DPP4: variants seen among roughly 807,000 people sequenced by gnomAD.
DPP4 encodes ADCP-2.
A neutral mutation model predicts 122.4 loss-of-function variants in DPP4; 93 were observed. The ratio of observed to expected loss-of-function variants is 0.76; its 90% confidence interval spans 0.64 to 0.90. The LOEUF is 0.90. Ranked by LOEUF, DPP4 falls within the 40% of genes least tolerant of loss-of-function variation. DPP4 has a pLI of 0.00. For synonymous variants in DPP4, 321 were observed against 302.9 expected (o/e 1.06, Z -0.62); for missense variants, 914 against 907.3 (o/e 1.01, Z -0.09).
At chr2:161,999,727 G>A (rs1701096873) in intron 23 of DPP4, among the ~76,000 whole-genome samples, 3 of 152,132 alleles carry the variant, frequency 2.0e-5, no homozygotes, top group Admixed American at 2.0e-4. Context: ...GAGGAGGAGA[G>A]TACTATGAGA....
intron 25 of DPP4, among the ~76,000 whole-genome samples, chr2:161,994,485 T>G (rs1166475708): frequency 6.6e-6 from 1 of 152,252 alleles, no homozygotes; most frequent in African/African-American, 2.4e-5. Flanking sequence ...CGCCTGTGGT[T>G]ATTCAACAAA....
At chr2:162,035,497 C>T (rs948113402) in intron 8 of DPP4, among the ~76,000 whole-genome samples, 173 bp from the exon 9 acceptor site, 3 of 152,138 alleles carry the variant, frequency 2.0e-5, no homozygotes, top group Non-Finnish European at 2.9e-5. Context: ...AAAATAAAAT[C>T]TTCAAGGATA....
In DPP4 at chr2:162,008,675, A is replaced by G; in HGVS notation, c.1888-14T>C. On this transcript the variant is annotated splice_polypyrimidine_tract_variant and intron_variant, in intron 21 of 25. Coordinates refer to ENST00000360534, the MANE Select transcript of DPP4 (RefSeq NM_001935.4). ...CCCTCCATATGACTAAGGAATGGAA[A>G]CAGTTATTTTTATGGAGGTAAAAGA... 1.2e-6 allele frequency: 2 copies of G among 1,606,842 alleles called. No homozygotes were observed. The highest frequency in any genetic ancestry group is 1.7e-6 in the Non-Finnish European group (2 of 1,173,536).
chr2:162,045,618 A>G lies in DPP4; in HGVS notation c.286-6T>C. On this transcript the variant is annotated splice_polypyrimidine_tract_variant and splice_region_variant and intron_variant, in intron 4 of 25. Transcript: ENST00000360534. ...ATAGAATGTCCAAACTCATCCTGTC[A>G]AACAAGAAGAACAAAGAAAAATTGA... 2 of 1,605,664 alleles carry G rather than the reference A, an allele frequency of 1.2e-6. No homozygotes were observed. The highest frequency in any genetic ancestry group is 1.1e-5 in the South Asian group (1 of 90,820).
rs1683870867 is a variant in DPP4 at position 162,038,560 on chromosome 2, C to T, written c.493-138G>A. The T allele has an allele frequency of 5.4e-5, 48 of 894,866 alleles. 1 individual carries two copies. The South Asian group carries it at 8.1e-4, about 15-fold the overall frequency. 55.4% of individuals were successfully genotyped at this position (894,866 alleles called of 1,614,324 possible). ...CCATTCAAACAGGAAGAGTCATTTACTCCTTCCCTCTCATTCTTAAATTAC... is the reference window on the plus strand; with the variant it reads ...CCATTCAAACAGGAAGAGTCATTTATTCCTTCCCTCTCATTCTTAAATTAC... On this transcript the variant is annotated intron_variant, in intron 7 of 25. Transcript: ENST00000360534.
intron 18 of DPP4, among the ~76,000 whole-genome samples, chr2:162,015,738 G>T (rs1347006421): frequency 6.6e-6 from 1 of 152,018 alleles, no homozygotes; most frequent in African/African-American, 2.4e-5. Flanking sequence ...TACTAATGTG[G>T]CTTCCGTGAC....
rs1042623177 is a variant in DPP4, at chr2:162,073,724, C to T, written c.7-238G>A. On this transcript the variant is annotated intron_variant, in intron 1 of 25. Transcript: ENST00000360534. ...TAGCGTTGGTTTCTCTACCCCTGCC[C>T]GGGTTCGGGCGTGCGTTCTGTGAGT... 3 of 673,142 alleles carry T rather than the reference C, an allele frequency of 4.5e-6. No homozygotes were observed. In the African/African-American group the frequency reaches 5.4e-5, roughly 12 times the overall value. The allele number at this position is 673,142 out of a possible 1,614,324, so 41.7% of individuals were successfully genotyped here.
At chr2:162,019,183 G>C (rs202134905) in intron 15 of DPP4, 40 bp downstream of exon 15, 1 of 1,543,912 alleles carries the variant, frequency 6.5e-7, no homozygotes, top group African/African-American at 1.4e-5. Context: ...TTGTTCGTCA[G>C]CTAAAATGAC....
chr2:161,995,119 A>C, intron 24 of DPP4, 85 bp from the exon 25 acceptor site: 1 of 1,484,260 alleles, frequency 6.7e-7, no homozygotes, highest in Non-Finnish European at 9.4e-7. Context: ...ACAAGAAGAA[A>C]GGGACTGTTT....
In DPP4 at chr2:162,031,977, T is replaced by C. The variant is rs192520775; in HGVS notation, c.887+1564A>G. The C allele has an allele frequency of 2.0e-3, 307 of 152,214 alleles. 1 individual carries two copies. Among genetic ancestry groups the C allele is most frequent in the African/African-American group, 7.2e-3 (298 of 41,528 alleles). The allele number at this position is 152,214 out of a possible 1,614,324, so 9.4% of individuals were successfully genotyped here. A position where few individuals can be genotyped will look rare whatever the true frequency, so the allele number is the denominator to read the frequency against. On this transcript the variant is annotated intron_variant, in intron 10 of 25. Transcript: ENST00000360534. ...TTTTTAAAAACTTACTAATCGATTT[T>C]CCCCCTGAATGAATGGGTTACTACA...
In DPP4 at chr2:162,047,520, C is replaced by T. The variant is rs769873570; in HGVS notation, c.95-19G>A. On this transcript the variant is annotated intron_variant, in intron 2 of 25. Transcript: ENST00000360534. ...TCATCTGCTGGTTGAAAGAAAGAGC[C>T]AAATGTTCATTTCAGTAAGATGGAA... 3 of 1,511,236 alleles carry T rather than the reference C, an allele frequency of 2.0e-6. No homozygotes were observed. Among genetic ancestry groups the T allele is most frequent in the Middle Eastern group, 1.8e-4 (1 of 5,670 alleles). 93.6% of individuals were successfully genotyped at this position (1,511,236 alleles called of 1,614,324 possible). A position where few individuals can be genotyped will look rare whatever the true frequency, so the allele number is the denominator to read the frequency against.
At chr2:162,025,987 C>T (rs993328124) in intron 10 of DPP4, among the ~76,000 whole-genome samples, 1 of 152,160 alleles carries the variant, frequency 6.6e-6, no homozygotes, top group African/African-American at 2.4e-5. Flanking sequence ...TAGCAGAATG[C>T]CTGACTCAAC....
At chr2:162,051,691 G>C (rs1576066432) in intron 2 of DPP4, among the ~76,000 whole-genome samples, 2 of 152,326 alleles carry the variant, frequency 1.3e-5, no homozygotes, top group Middle Eastern at 6.8e-3. Flanking sequence ...TGACACAGGG[G>C]TGGTGGAGGA....
chr2:162,070,629 T>G (rs1381204116), intron 2 of DPP4, among the ~76,000 whole-genome samples: 1 of 152,142 alleles, frequency 6.6e-6, no homozygotes, highest in Non-Finnish European at 1.5e-5. Context: ...ATTTGTTTAC[T>G]TGAAAGCTTG....
intron 12 of DPP4, among the ~76,000 whole-genome samples, chr2:162,022,534 C>T (rs1171463964): frequency 1.3e-5 from 2 of 152,142 alleles, no homozygotes; most frequent in Admixed American, 6.5e-5. Flanking sequence ...GTCTGCTCTG[C>T]TTTTGATTTT....
intron 2 of DPP4, among the ~76,000 whole-genome samples, chr2:162,056,334 ACACT>A (rs202178581): frequency 0.013 from 1,959 of 152,328 alleles, 17 homozygotes; most frequent in Middle Eastern, 0.024. Context: ...TATACAGTAG[ACACT>A]CAATAAATAG....
chr2:162,041,140 G>C (rs185538765), intron 5 of DPP4, among the ~76,000 whole-genome samples: 1 of 152,066 alleles, frequency 6.6e-6, no homozygotes, highest in African/African-American at 2.4e-5. Flanking sequence ...AGAGCCAAGT[G>C]AAGAAGGGAA....
At chr2:162,053,087 C>T (rs1215430297) in intron 2 of DPP4, among the ~76,000 whole-genome samples, 1 of 152,170 alleles carries the variant, frequency 6.6e-6, no homozygotes, top group African/African-American at 2.4e-5. Context: ...AGTTCATAAT[C>T]ATAAGGGAAG....
intron 5 of DPP4, among the ~76,000 whole-genome samples, chr2:162,040,096 A>G (rs1683935082): frequency 6.6e-6 from 1 of 152,130 alleles, no homozygotes; most frequent in East Asian, 1.9e-4. Context: ...CTTAAAAGTG[A>G]GAAAAATTCT....
Sources: allele counts gnomAD v4.1 joint callset (sites outside exome capture counted in the v4.1 genomes callset), GRCh38; gene constraint gnomAD v4.1.1; transcripts MANE v1.5; gene names NCBI Gene and HGNC (gene_info 2026-07-23, HGNC 2026-07-21).